NREP: variants seen among roughly 807,000 people sequenced by gnomAD.
The protein encoded by NREP is neuronal regeneration-related protein.
Under a neutral mutation model 8.6 loss-of-function variants are expected in NREP, and 5 were observed. The ratio of observed to expected loss-of-function variants is 0.58; its 90% CI spans 0.30 to 1.22. The LOEUF (loss-of-function observed/expected upper bound fraction) is 1.22. Among genes scored for constraint, NREP ranks in the 50% most tolerant of loss-of-function variants. NREP has a pLI of 0.07. For missense variants in NREP, 86 were observed against 82.5 expected (o/e 1.04, Z -0.17); for synonymous variants, 27 against 28.0 (o/e 0.96, Z 0.11).
intron 3 of NREP, among the ~76,000 whole-genome samples, chr5:111,731,386 C>T (rs1366745621): frequency 7.0e-6 from 1 of 142,778 alleles, no homozygotes; most frequent in African/African-American, 2.6e-5. Context: ...CAACCTTAGA[C>T]TGGGTGATTG....
At chr5:111,907,538 C>T (rs1304957962) in intron 2 of NREP, among the ~76,000 whole-genome samples, 5 of 152,088 alleles carry the variant, frequency 3.3e-5, no homozygotes, top group African/African-American at 1.2e-4. Context: ...CATTAGCCTA[C>T]TCGTCTATTC....
intron 2 of NREP, among the ~76,000 whole-genome samples, chr5:111,835,782 GGCT>G (rs1561686296): frequency 6.6e-6 from 1 of 151,996 alleles, no homozygotes; most frequent in African/African-American, 2.4e-5. Context: ...ACAGAGGAGA[GGCT>G]GAAGATAGGG....
intron 2 of NREP, among the ~76,000 whole-genome samples, chr5:111,776,639 T>A (rs914224571): frequency 6.6e-5 from 10 of 152,104 alleles, no homozygotes; most frequent in African/African-American, 2.4e-4. Flanking sequence ...ACAAAAAGAA[T>A]AAGCTGATGG....
intron 2 of NREP, among the ~76,000 whole-genome samples, chr5:111,858,955 T>A (rs1753486364): frequency 6.6e-6 from 1 of 151,890 alleles, no homozygotes; most frequent in African/African-American, 2.4e-5. Context: ...GGAAAGGTAA[T>A]ATATGAATAA....
chr5:111,871,209 G>C (rs939453259), intron 2 of NREP, among the ~76,000 whole-genome samples: 1 of 152,114 alleles, frequency 6.6e-6, no homozygotes, highest in South Asian at 2.1e-4. Flanking sequence ...CACTGAGGTT[G>C]TATGGTAGAG....
At chr5:111,956,364 C>G (rs898875557) in intron 2 of NREP, among the ~76,000 whole-genome samples, 50 of 151,812 alleles carry the variant, frequency 3.3e-4, no homozygotes, top group African/African-American at 1.2e-3. Context: ...TGAAAAAATA[C>G]TTTTTATGAA....
intron 2 of NREP, among the ~76,000 whole-genome samples, chr5:111,742,018 C>A (rs892684831): frequency 6.6e-6 from 1 of 152,038 alleles, no homozygotes; most frequent in Non-Finnish European, 1.5e-5. Context: ...CCTGGTAAGT[C>A]CTTAACATGT....
chr5:111,967,056 T>G (rs1163830901), intron 2 of NREP, among the ~76,000 whole-genome samples: 1 of 152,200 alleles, frequency 6.6e-6, no homozygotes, highest in Non-Finnish European at 1.5e-5. Context: ...AAATGCCCAT[T>G]TGGGGTACTT....
intron 2 of NREP, among the ~76,000 whole-genome samples, chr5:111,827,574 G>A (rs945920746): frequency 3.5e-4 from 54 of 152,282 alleles, no homozygotes; most frequent in African/African-American, 1.2e-3. Context: ...CTCTAGGCCG[G>A]GTGTGGGGGT....
intron 2 of NREP, among the ~76,000 whole-genome samples, chr5:111,788,078 A>G (rs1188994054): frequency 6.6e-6 from 1 of 152,192 alleles, no homozygotes; most frequent in Admixed American, 6.5e-5. Flanking sequence ...GTAACAAAGC[A>G]AGACCCTATC....
intron 2 of NREP, among the ~76,000 whole-genome samples, chr5:111,899,753 A>C (rs1754598549): frequency 6.6e-6 from 1 of 152,200 alleles, no homozygotes; most frequent in Admixed American, 6.5e-5. Context: ...GGAAAAACAT[A>C]TTCCGTGCAA....
chr5:111,907,346 G>A (rs564952707), intron 2 of NREP, among the ~76,000 whole-genome samples: 17 of 152,108 alleles, frequency 1.1e-4, no homozygotes, highest in Admixed American at 2.0e-4. Context: ...GATCCATTTC[G>A]TGTTCGTATC....
intron 2 of NREP, among the ~76,000 whole-genome samples, chr5:111,973,251 T>C (rs1756870153): frequency 1.4e-5 from 1 of 71,992 alleles, no homozygotes; most frequent in South Asian, 6.7e-4. Flanking sequence ...CATAGCAAAT[T>C]TGCTACCCCC....
chr5:111,785,663 A>G lies in NREP; in HGVS notation c.136-50156T>C, dbSNP rs200480765. On this transcript the variant is annotated intron_variant, in intron 2 of 3. Coordinates refer to the NREP transcript ENST00000395634. ...TTTGGTAACTCCAGAAATTATATAT[A>G]TGAGTGGTTTAGGAGTGGTGAGTTC... 2.4e-4 allele frequency among the ~76,000 whole-genome samples: 37 copies of G among 152,244 alleles called. No individual in the cohort carries two copies. The East Asian group carries it at 6.6e-3, about 27-fold the overall frequency.
chr5:111,915,864 T>C (rs1397085653), intron 2 of NREP, among the ~76,000 whole-genome samples: 1 of 152,144 alleles, frequency 6.6e-6, no homozygotes, highest in Non-Finnish European at 1.5e-5. Context: ...TTATAACCAG[T>C]ACCTTGGGAC....
chr5:111,834,623 G>A (rs1432465145), intron 2 of NREP, among the ~76,000 whole-genome samples: 1 of 152,144 alleles, frequency 6.6e-6, no homozygotes, highest in Non-Finnish European at 1.5e-5. Context: ...TTAGCAGAAT[G>A]TAATTGAAAA....
chr5:111,967,848 C>T (rs1055988286), intron 2 of NREP, among the ~76,000 whole-genome samples: 1 of 152,116 alleles, frequency 6.6e-6, no homozygotes, highest in African/African-American at 2.4e-5. Context: ...GTTCAACCTG[C>T]CTCCTGGTTG....
intron 2 of NREP, among the ~76,000 whole-genome samples, chr5:111,785,719 T>C (rs1751593584): frequency 1.3e-5 from 2 of 152,174 alleles, no homozygotes; most frequent in South Asian, 4.1e-4. Flanking sequence ...GACATGAAGC[T>C]GTATATAGTT....
At chr5:111,869,744 A>C (rs1753746972) in intron 2 of NREP, among the ~76,000 whole-genome samples, 1 of 152,188 alleles carries the variant, frequency 6.6e-6, no homozygotes, top group African/African-American at 2.4e-5. Context: ...TGACACCCAA[A>C]GAGCATGCTC....
Sources: gnomAD v4.1 joint callset for allele counts (sites outside exome capture counted in the v4.1 genomes callset) on GRCh38, gnomAD v4.1.1 for gene constraint, MANE v1.5 for transcripts, NCBI Gene and HGNC (gene_info 2026-07-23, HGNC 2026-07-21) for gene names.